PAM: variants seen among roughly 807,000 people sequenced by gnomAD.
PAM encodes the protein peptidylglycine alpha-amidating monooxygenase, also known as peptidyl-glycine alpha-amidating monooxygenase.
PAM carries 72 observed loss-of-function variants against 122.1 expected under a neutral mutation model. That is an observed-to-expected ratio of 0.59 (90% CI 0.49 to 0.72). The LOEUF is 0.72. Among genes scored for constraint, PAM ranks in the 30% least tolerant of loss-of-function variants. PAM has a pLI of 0.00. For synonymous variants in PAM, 389 were observed against 404.4 expected (o/e 0.96, Z 0.46); for missense variants, 1,106 against 1,183.7 (o/e 0.93, Z 0.96).
intron 7 of PAM, among the ~76,000 whole-genome samples, chr5:102,929,577 A>C: frequency 6.6e-6 from 1 of 152,206 alleles, no homozygotes; most frequent in Non-Finnish European, 1.5e-5. Flanking sequence ...ATTCTACTGA[A>C]AAGTGGGGAA....
intron 7 of PAM, among the ~76,000 whole-genome samples, chr5:102,934,827 T>C (rs1752749144): frequency 6.6e-6 from 1 of 152,208 alleles, no homozygotes; most frequent in Admixed American, 6.5e-5. Flanking sequence ...TTCATTCAAG[T>C]CAGATTTTGC....
At chr5:102,755,623 C>G (rs1198185444) in intron 1 of PAM, among the ~76,000 whole-genome samples, 1 of 152,098 alleles carries the variant, frequency 6.6e-6, no homozygotes, top group Admixed American at 6.5e-5. Flanking sequence ...AAGTCCCTGG[C>G]CAGTTTGTGA....
intron 1 of PAM, among the ~76,000 whole-genome samples, chr5:102,836,355 A>G (rs1391926474): frequency 6.6e-6 from 1 of 152,128 alleles, no homozygotes; most frequent in African/African-American, 2.4e-5. Context: ...CAATATGTAG[A>G]ATATGTGGTA....
rs1364251767 is a variant in PAM, at chr5:102,959,867, GC to G, written c.906-6del. On this transcript the variant is annotated splice_region_variant and splice_polypyrimidine_tract_variant and intron_variant, in intron 12 of 25. Coordinates refer to ENST00000438793, the MANE Select transcript of PAM (RefSeq NM_001177306.2). ...AGTTGATTTGTTATATCTTTTTTTT[GC>G]CTGCAGTGGCACGTCTAGTGATGAA... 1 of 1,579,960 alleles carries G rather than the reference GC, an allele frequency of 6.3e-7. No individual in the cohort carries two copies. Among genetic ancestry groups the G allele is most frequent in the Non-Finnish European group, 8.6e-7 (1 of 1,158,814 alleles).
intron 3 of PAM, among the ~76,000 whole-genome samples, chr5:102,895,021 G>C (rs1581428268): frequency 6.6e-6 from 1 of 151,176 alleles, no homozygotes; most frequent in South Asian, 2.1e-4. Context: ...GTGGCTTTCT[G>C]TGGCTGTCAT....
chr5:103,017,793 A>G lies in PAM; in HGVS notation c.2431+360A>G, dbSNP rs572083993. Among the ~76,000 whole-genome samples the G allele has an allele frequency of 4.6e-5, 7 of 152,304 alleles. No homozygotes were observed. In the South Asian group the frequency reaches 1.4e-3, roughly 32 times the overall value. Reference sequence around the variant, plus strand: ...CCCATATGGCCCTTTAGCTCTCAGTAGCTGCTGAGCATCTAGAGATACCAG... The same window carrying G: ...CCCATATGGCCCTTTAGCTCTCAGTGGCTGCTGAGCATCTAGAGATACCAG... On this transcript the variant is annotated intron_variant, in intron 22 of 25. Transcript: ENST00000438793.
chr5:103,027,745 T>C (rs1207492394), intron 24 of PAM, among the ~76,000 whole-genome samples: 1 of 152,156 alleles, frequency 6.6e-6, no homozygotes, highest in African/African-American at 2.4e-5. Context: ...ATCCCTAAAT[T>C]GTCATAACCA....
intron 15 of PAM, among the ~76,000 whole-genome samples, chr5:102,983,324 C>T (rs559316653): frequency 1.1e-3 from 159 of 151,294 alleles, no homozygotes; most frequent in African/African-American, 3.7e-3. Flanking sequence ...GTGGCGTGTG[C>T]GTATAATTAC....
intron 7 of PAM, among the ~76,000 whole-genome samples, chr5:102,941,833 CAAAA>C (rs70990420): frequency 1.7e-5 from 1 of 58,376 alleles, no homozygotes; most frequent in Non-Finnish European, 3.1e-5. Context: ...CCAGATGGTA[CAAAA>C]AAAAAAAAAA....
At chr5:102,825,559 C>A (rs1338116998) in intron 1 of PAM, among the ~76,000 whole-genome samples, 25 of 152,084 alleles carry the variant, frequency 1.6e-4, no homozygotes, top group Admixed American at 1.6e-3. Context: ...AGTTCAAGCT[C>A]CAGGAGTATG....
At chr5:102,977,303 G>T (rs1461467687) in intron 15 of PAM, among the ~76,000 whole-genome samples, 1 of 152,048 alleles carries the variant, frequency 6.6e-6, no homozygotes, top group African/African-American at 2.4e-5. Flanking sequence ...CTCGTTACGG[G>T]TTGGATATCA....
intron 23 of PAM, among the ~76,000 whole-genome samples, chr5:103,024,157 G>C (rs1407227973): frequency 6.6e-6 from 1 of 152,094 alleles, no homozygotes; most frequent in African/African-American, 2.4e-5. Flanking sequence ...AAATGTGGTT[G>C]TAACTTTTAG....
intron 20 of PAM, among the ~76,000 whole-genome samples, chr5:103,008,019 C>A (rs1035626501): frequency 6.6e-6 from 1 of 152,000 alleles, no homozygotes; most frequent in African/African-American, 2.4e-5. Flanking sequence ...TCAAAATACT[C>A]ATTTCACATT....
chr5:102,974,344 T>C lies in PAM; in HGVS notation c.1391T>C (p.Leu464Pro), dbSNP rs1442101614. 6.2e-7 allele frequency: 1 copy of C among 1,613,832 alleles called. No individual in the cohort carries two copies. Among genetic ancestry groups the C allele is most frequent in the South Asian group, 1.1e-5 (1 of 91,070 alleles). ...GACAGAATTCACAAATTCCACAGAC[T>C]AGTATCTACCTTGAGGCCACCAGAG... ...VRDRIHKFHRLVSTLRPPESR... is the reference protein window; with the variant it reads ...VRDRIHKFHRPVSTLRPPESR... Residue 464 changes from leucine (L) to proline (P), a missense_variant, in exon 15 of 26, where the codon CTA becomes CCA. Physicochemically the swap from Leu to Pro is moderately conservative, Grantham distance 98. This residue lies in a region of PAM where 670 missense variants were observed against 690.3 expected (regional missense o/e 0.97). Coordinates refer to ENST00000438793, the MANE Select transcript of PAM (RefSeq NM_001177306.2).
intron 3 of PAM, among the ~76,000 whole-genome samples, chr5:102,886,557 ATACG>A (rs1793166975): frequency 2.0e-5 from 3 of 151,950 alleles, no homozygotes; most frequent in African/African-American, 7.2e-5. Flanking sequence ...ATGTTACAGA[ATACG>A]TATTCTTTCT....
chr5:102,850,347 T>C (rs1781052439), intron 1 of PAM, among the ~76,000 whole-genome samples: 3 of 152,360 alleles, frequency 2.0e-5, no homozygotes, highest in South Asian at 4.1e-4. Context: ...GTAACTGATA[T>C]AAACTTCTTC....
chr5:102,821,421 C>T (rs1427580729), intron 1 of PAM, among the ~76,000 whole-genome samples: 53 of 152,204 alleles, frequency 3.5e-4, no homozygotes, highest in Admixed American at 3.4e-3. Context: ...CTCTAACTGG[C>T]GCTGTCTTCC....
At chr5:102,934,865 C>T (rs960275585) in intron 7 of PAM, among the ~76,000 whole-genome samples, 1 of 152,118 alleles carries the variant, frequency 6.6e-6, no homozygotes, top group Non-Finnish European at 1.5e-5. Context: ...AAAACTTTAG[C>T]CTTCCAAAGC....
chr5:102,756,361 G>C (rs983623317), intron 1 of PAM, among the ~76,000 whole-genome samples: 5 of 152,130 alleles, frequency 3.3e-5, no homozygotes, highest in Non-Finnish European at 7.4e-5. Flanking sequence ...ACCAATCCCT[G>C]TGTACAAAGC....
Sources: allele counts gnomAD v4.1 joint callset (sites outside exome capture counted in the v4.1 genomes callset), GRCh38; gene constraint gnomAD v4.1.1; regional missense constraint gnomAD v4.1.1; transcripts MANE v1.5; gene names NCBI Gene and HGNC (gene_info 2026-07-23, HGNC 2026-07-21).